The following YWHAQ variants were observed in gnomAD, a reference collection of about 807,000 sequenced individuals.
YWHAQ encodes the protein tyrosine 3-monooxygenase/tryptophan 5-monooxygenase activation protein theta, also known as 14-3-3 protein theta.
In YWHAQ, 6 loss-of-function variants were observed where a neutral mutation model predicts 28.3. The observed-to-expected ratio is 0.21, with a 90% CI of 0.12 to 0.42. YWHAQ has a LOEUF of 0.42. YWHAQ is among the 10% of genes least tolerant of loss of function. The pLI is 1.00. For synonymous variants in YWHAQ, 143 were observed against 119.1 expected, an observed-to-expected ratio of 1.20 and a Z score of -1.31; for missense variants, 201 against 305.6, an observed-to-expected ratio of 0.66 and a Z score of 2.55.
At chr2:9,594,000 C>CAT (rs879315111) in intron 2 of YWHAQ, among the ~76,000 whole-genome samples, 2 of 146,464 alleles carry the variant, frequency 1.4e-5, no homozygotes, top group South Asian at 4.3e-4. Flanking sequence ...CACACACACA[C>CAT]GCACGCACAA....
Position 9,630,059 on chromosome 2 carries a change from T to G in YWHAQ, c.294+100A>C. 2 of 1,493,386 alleles carry G rather than the reference T, an allele frequency of 1.3e-6. No homozygotes were observed. Among genetic ancestry groups the G allele is most frequent in the Non-Finnish European group, 9.1e-7 (1 of 1,102,526 alleles). 92.5% of individuals were successfully genotyped at this position (1,493,386 alleles called of 1,614,324 possible). A position where few individuals can be genotyped will look rare whatever the true frequency, so the allele number is the denominator to read the frequency against. On this transcript the variant is annotated intron_variant, in intron 2 of 5. Coordinates refer to ENST00000238081, the MANE Select transcript of YWHAQ (RefSeq NM_006826.4). The surrounding 1 kb of genome is among the most constrained non-coding windows in gnomAD (Gnocchi z 5.6). The stretch of plus-strand genomic sequence containing the variant: ...TAAAACCCTCCACCCCAGCAGACAG[T>G]CCGGCAAGCCCCGGCTCACGTTTGT...
intron 2 of YWHAQ, among the ~76,000 whole-genome samples, chr2:9,597,474 C>T (rs1355990519): frequency 6.6e-6 from 1 of 151,748 alleles, no homozygotes; most frequent in Non-Finnish European, 1.5e-5. Context: ...GGTGAAACCC[C>T]GTCGCTACTA....
intron 2 of YWHAQ, among the ~76,000 whole-genome samples, chr2:9,592,192 C>T (rs549235270): frequency 1.6e-4 from 25 of 152,160 alleles, no homozygotes; most frequent in Middle Eastern, 3.4e-3. Context: ...ATACAGGAAT[C>T]GAGAGTAAGA....
intron 2 of YWHAQ, among the ~76,000 whole-genome samples, chr2:9,600,410 G>C (rs1666669844): frequency 6.6e-6 from 1 of 152,124 alleles, no homozygotes; most frequent in Admixed American, 6.6e-5. Context: ...ACATGCTATA[G>C]AAAAATCGTT....
intron 2 of YWHAQ, among the ~76,000 whole-genome samples, chr2:9,594,880 GT>G (rs893273899): frequency 2.0e-5 from 3 of 152,176 alleles, no homozygotes; most frequent in African/African-American, 7.2e-5. Flanking sequence ...AGATGTGTGG[GT>G]GTTCTCAAGG....
intron 2 of YWHAQ, among the ~76,000 whole-genome samples, chr2:9,592,435 C>A (rs1020759090): frequency 6.6e-6 from 1 of 152,018 alleles, no homozygotes; most frequent in African/African-American, 2.4e-5. Context: ...CATTTAAAAA[C>A]CTTTTTAGGG....
intron 2 of YWHAQ, chr2:9,628,628 G>A (rs1055916064): frequency 1.3e-5 from 2 of 152,232 alleles, no homozygotes; most frequent in Non-Finnish European, 2.9e-5. Flanking sequence ...GAATTCTTAT[G>A]AGTCTTCCCT....
intron 2 of YWHAQ, among the ~76,000 whole-genome samples, chr2:9,629,138 T>C (rs1667304972): frequency 6.6e-6 from 1 of 152,090 alleles, no homozygotes; most frequent in African/African-American, 2.4e-5. Flanking sequence ...TCTAGTATGC[T>C]TGTCTATCAA....
chr2:9,594,816 AG>A (rs1210961507), intron 2 of YWHAQ, among the ~76,000 whole-genome samples: 1 of 152,236 alleles, frequency 6.6e-6, no homozygotes, highest in African/African-American at 2.4e-5. Flanking sequence ...GGTGAGGAGT[AG>A]GGAAGAGAGA....
intron 2 of YWHAQ, among the ~76,000 whole-genome samples, chr2:9,608,735 G>A (rs1034616014): frequency 6.6e-6 from 1 of 152,188 alleles, no homozygotes; most frequent in Non-Finnish European, 1.5e-5. Context: ...GATCACTTGA[G>A]GTCAGGAGTT....
chr2:9,607,130 C>A (rs1357644885), intron 2 of YWHAQ, among the ~76,000 whole-genome samples: 4 of 152,026 alleles, frequency 2.6e-5, no homozygotes, highest in African/African-American at 9.7e-5. Flanking sequence ...ATCCGCCCAT[C>A]TTGGCCTTCC....
chr2:9,614,432 A>C (rs796996541), intron 2 of YWHAQ, among the ~76,000 whole-genome samples: 10 of 152,294 alleles, frequency 6.6e-5, no homozygotes, highest in African/African-American at 2.4e-4. Flanking sequence ...TTTAGCCATT[A>C]ATTTGTGGAG....
intron 2 of YWHAQ, among the ~76,000 whole-genome samples, chr2:9,600,823 G>C (rs969187999): frequency 2.5e-4 from 38 of 152,282 alleles, no homozygotes; most frequent in African/African-American, 8.4e-4. Context: ...CAACCAGTCA[G>C]CAACCATCAA....
intron 2 of YWHAQ, among the ~76,000 whole-genome samples, chr2:9,601,373 T>C (rs980970418): frequency 7.2e-5 from 11 of 152,068 alleles, no homozygotes; most frequent in African/African-American, 2.7e-4. Flanking sequence ...GAGGCAGAAC[T>C]GCTTGAACCC....
intron 2 of YWHAQ, among the ~76,000 whole-genome samples, chr2:9,600,601 A>C (rs1472002148): frequency 2.0e-5 from 3 of 152,134 alleles, no homozygotes; most frequent in Non-Finnish European, 4.4e-5. Context: ...GCTACTTGGG[A>C]GGCTAAAGAA....
intron 5 of YWHAQ, 115 bp downstream of exon 5, chr2:9,587,299 G>T (rs1293020885): frequency 4.6e-6 from 4 of 875,952 alleles, no homozygotes; most frequent in African/African-American, 3.4e-5. Context: ...ATACTAACAC[G>T]TATCTCATAC....
chr2:9,599,974 T>G (rs927982610), intron 2 of YWHAQ, among the ~76,000 whole-genome samples: 1 of 152,140 alleles, frequency 6.6e-6, no homozygotes, highest in African/African-American at 2.4e-5. Context: ...TTAAGAAGAT[T>G]TGTGATTCAT....
chr2:9,624,028 G>T (rs958749147), intron 2 of YWHAQ, among the ~76,000 whole-genome samples: 1 of 152,030 alleles, frequency 6.6e-6, no homozygotes, highest in Non-Finnish European at 1.5e-5. Context: ...CAGCACTCTG[G>T]GTGGATTGCT....
rs547582835 is a variant in YWHAQ at position 9,597,985 on chromosome 2, A to ATTTT, written c.295-6474_295-6471dup. On this transcript the variant is annotated intron_variant, in intron 2 of 5. Coordinates refer to ENST00000238081, the MANE Select transcript of YWHAQ (RefSeq NM_006826.4). Reference sequence around the variant, plus strand: ...CAGGCATGCACCACCATGCCGGGCTATTTTTTTTTTTTTTTTTTTTTTTTT... The same window carrying ATTTT: ...CAGGCATGCACCACCATGCCGGGCTATTTTTTTTTTTTTTTTTTTTTTTTTTTTT... Among the ~76,000 whole-genome samples, 453 of 62,454 alleles carry ATTTT rather than the reference A, an allele frequency of 7.3e-3. 43 individuals carry two copies. Among genetic ancestry groups the ATTTT allele is most frequent in the African/African-American group, 0.016 (268 of 16,656 alleles). 41.0% of individuals were successfully genotyped at this position (62,454 alleles called of 152,430 possible).
Sources: allele counts gnomAD v4.1 joint callset (sites outside exome capture counted in the v4.1 genomes callset), GRCh38; gene constraint gnomAD v4.1.1; non-coding constraint Gnocchi (gnomAD v3.1); transcripts MANE v1.5; gene names NCBI Gene and HGNC (gene_info 2026-07-23, HGNC 2026-07-21).